ARHGAP29: variants seen among roughly 807,000 people sequenced by gnomAD.
The protein encoded by ARHGAP29 is rho GTPase-activating protein 29.
ARHGAP29 carries 43 observed loss-of-function variants against 122.6 expected under a neutral mutation model. The ratio of observed to expected loss-of-function variants is 0.35; its 90% CI spans 0.27 to 0.45. The LOEUF (loss-of-function observed/expected upper bound fraction) is 0.45. Among genes scored for constraint, ARHGAP29 ranks in the 20% least tolerant of loss-of-function variants. ARHGAP29 has a pLI of 1.00. For synonymous variants in ARHGAP29, 506 were observed against 497.1 expected (o/e 1.02, Z -0.24); for missense variants, 1,303 against 1,477.2 (o/e 0.88, Z 1.93).
chr1:94,216,053 G>A (rs1276367540), intron 3 of ARHGAP29, among the ~76,000 whole-genome samples: 1 of 152,130 alleles, frequency 6.6e-6, no homozygotes, highest in Non-Finnish European at 1.5e-5. Context: ...GTTGGCAAAG[G>A]TGCAGGAAAT....
chr1:94,290,281 CA>C, the ARHGAP29 span, among the ~76,000 whole-genome samples: 7,204 of 152,194 alleles, frequency 0.047, 592 homozygotes, highest in African/African-American at 0.17. Flanking sequence ...TCCCCTTTAT[CA>C]TTTTTTATTG....
the ARHGAP29 span, chr1:94,302,803 T>G: frequency 4.0e-6 from 1 of 248,642 alleles, no homozygotes; most frequent in Non-Finnish European, 8.1e-6. Context: ...AAGGAGGTGG[T>G]GAAGCGGCAT....
chr1:94,236,017 T>C (rs1322181061), intron 1 of ARHGAP29, among the ~76,000 whole-genome samples: 1 of 152,138 alleles, frequency 6.6e-6, no homozygotes, highest in Admixed American at 6.5e-5. Context: ...TGAGGAAAAA[T>C]TGCCAGATAT....
chr1:94,303,874 A>G, the ARHGAP29 span, among the ~76,000 whole-genome samples: 1 of 152,064 alleles, frequency 6.6e-6, no homozygotes, highest in African/African-American at 2.4e-5. Flanking sequence ...ACTTCCCAGC[A>G]CTCTTCTTGC....
intron 1 of ARHGAP29, among the ~76,000 whole-genome samples, chr1:94,233,627 A>AG (rs1653068889): frequency 6.6e-6 from 1 of 152,070 alleles, no homozygotes; most frequent in African/African-American, 2.4e-5. Flanking sequence ...CTACCTGTGC[A>AG]ATGTCATATG....
At chr1:94,237,873 G>A (rs1653401238), upstream of ARHGAP29, 2 of 540,702 alleles carry the variant, frequency 3.7e-6, no homozygotes, top group South Asian at 7.9e-5. Flanking sequence ...GGCCAGATGA[G>A]CAGCTACATT....
At chr1:94,230,779 A>G (rs977279866) in intron 2 of ARHGAP29, among the ~76,000 whole-genome samples, 1 of 151,836 alleles carries the variant, frequency 6.6e-6, no homozygotes, top group Non-Finnish European at 1.5e-5. Context: ...ATTTAGACCT[A>G]AGAGGCACTA....
rs993708701 is a variant in ARHGAP29 at position 94,171,534 on chromosome 1, T to C, written c.*2335A>G. Among the ~76,000 whole-genome samples the C allele has an allele frequency of 2.0e-5, 3 of 152,150 alleles. No homozygotes were observed. The highest frequency in any genetic ancestry group is 2.0e-4 in the Admixed American group (3 of 15,268). ...CTTTTGGTCACGTATCTTTCCATGT[T>C]GCAAAAAACAACTTCTGGATAAATG... On this transcript the variant is annotated 3_prime_UTR_variant, in exon 23 of 23. Coordinates refer to ENST00000260526, the MANE Select transcript of ARHGAP29 (RefSeq NM_004815.4).
intron 3 of ARHGAP29, among the ~76,000 whole-genome samples, chr1:94,219,405 T>C (rs1186578219): frequency 6.6e-6 from 1 of 152,140 alleles, no homozygotes; most frequent in African/African-American, 2.4e-5. Context: ...CCATTACCTA[T>C]ACATCAACAA....
intron 1 of ARHGAP29, among the ~76,000 whole-genome samples, chr1:94,243,439 T>C (rs924084705): frequency 1.3e-5 from 2 of 152,006 alleles, no homozygotes; most frequent in African/African-American, 2.4e-5. Context: ...AAAATATAAC[T>C]TTAAAATAAC....
intron 1 of ARHGAP29, among the ~76,000 whole-genome samples, chr1:94,254,738 G>A (rs1654262017): frequency 6.6e-6 from 1 of 152,204 alleles, no homozygotes; most frequent in Admixed American, 6.5e-5. Flanking sequence ...GAAAATAGAA[G>A]CATAGGATGT....
At chr1:94,235,144 A>G (rs1158830004) in intron 1 of ARHGAP29, among the ~76,000 whole-genome samples, 1 of 152,150 alleles carries the variant, frequency 6.6e-6, no homozygotes, top group East Asian at 1.9e-4. Context: ...ATAATGATTA[A>G]TGTGCTGATT....
the ARHGAP29 span, among the ~76,000 whole-genome samples, chr1:94,303,914 T>C: frequency 1.3e-5 from 2 of 152,214 alleles, no homozygotes; most frequent in Non-Finnish European, 2.9e-5. Flanking sequence ...TTTTTAAATA[T>C]TGCTTTGATT....
Position 94,231,461 on chromosome 1 carries a change from C to T in ARHGAP29, c.151G>A (p.Asp51Asn). The T allele has an allele frequency of 6.2e-7, 1 of 1,613,746 alleles. No individual in the cohort carries two copies. Among genetic ancestry groups the T allele is most frequent in the South Asian group, 1.1e-5 (1 of 91,050 alleles). ...DPDYIKELVN[D>N]IRKFSHMLLY... ...AACATGTGGGAGAACTTCCTGATAT[C>T]ATTCACCAACTCCTTGATGTAATCC... The change falls in exon 2 of 23, where the codon GAT (aspartate) becomes AAT (asparagine). Residue 51 changes from aspartate to asparagine, a missense_variant. Coordinates refer to ENST00000260526, the MANE Select transcript of ARHGAP29 (RefSeq NM_004815.4).
chr1:94,225,167 A>T (rs1445731159), intron 2 of ARHGAP29, among the ~76,000 whole-genome samples: 3 of 152,168 alleles, frequency 2.0e-5, no homozygotes, highest in Admixed American at 2.0e-4. Flanking sequence ...TGGTTTAAAG[A>T]AAATTCCATT....
intron 1 of ARHGAP29, among the ~76,000 whole-genome samples, chr1:94,236,859 G>A (rs1463169778): frequency 1.3e-5 from 2 of 152,170 alleles, no homozygotes; most frequent in Non-Finnish European, 2.9e-5. Flanking sequence ...AGTGAGGGCT[G>A]CAGTCAGGGC....
chr1:94,302,390 C>G, the ARHGAP29 span: 2 of 349,082 alleles, frequency 5.7e-6, no homozygotes, highest in Admixed American at 7.2e-5. Context: ...ACCTCTGCCC[C>G]CTCTGCTGAT....
Position 94,179,917 on chromosome 1 carries a change from A to C in ARHGAP29, c.2288T>G (p.Phe763Cys), listed in dbSNP as rs1268560152. The C allele has an allele frequency of 6.2e-7, 1 of 1,611,376 alleles. No individual in the cohort carries two copies. The highest frequency in any genetic ancestry group is 1.7e-5 in the Admixed American group (1 of 59,826). The change falls in exon 20 of 23, where the codon TTT becomes TGT. Residue 763 changes from phenylalanine (F) to cysteine (C), a missense_variant. By Grantham distance (205) the Phe-to-Cys change is radical. Transcript: ENST00000260526. Reference protein sequence around the residue: ...PFILFRLYKEFIDLAKEIQHV... With the variant: ...PFILFRLYKECIDLAKEIQHV... Reference sequence around the variant, plus strand: ...TTGGATCTCTTTTGCAAGGTCTATAAATTCCTTGTACAATCGAAATAAAAT... The same window carrying C: ...TTGGATCTCTTTTGCAAGGTCTATACATTCCTTGTACAATCGAAATAAAAT...
intron 3 of ARHGAP29, among the ~76,000 whole-genome samples, chr1:94,210,384 G>A (rs1017915372): frequency 3.3e-5 from 5 of 152,310 alleles, no homozygotes; most frequent in Admixed American, 1.3e-4. Context: ...TCATAGGTAC[G>A]TGGTGAAGAA....
Sources: gnomAD v4.1 joint callset for allele counts (sites outside exome capture counted in the v4.1 genomes callset) on GRCh38, gnomAD v4.1.1 for gene constraint, MANE v1.5 for transcripts, NCBI Gene and HGNC (gene_info 2026-07-23, HGNC 2026-07-21) for gene names.